GALNTL5: variants seen among roughly 807,000 people sequenced by gnomAD.
GALNTL5 encodes the protein inactive polypeptide N-acetylgalactosaminyltransferase-like protein 5.
In GALNTL5, 44 loss-of-function variants were observed where a neutral mutation model predicts 51.0. That is an observed-to-expected ratio of 0.86 (90% CI 0.68 to 1.11). The LOEUF (loss-of-function observed/expected upper bound fraction) is 1.11, where lower values mean the gene tolerates loss of function less well. Among genes scored for constraint, GALNTL5 ranks in the 50% least tolerant of loss-of-function variants. The pLI is 0.00. For missense variants in GALNTL5, 528 were observed against 531.8 expected (o/e 0.99, Z 0.07); for synonymous variants, 192 against 182.8 (o/e 1.05, Z -0.41).
At chr7:151,985,328 T>G (rs2081348033) in intron 4 of GALNTL5, among the ~76,000 whole-genome samples, 1 of 152,132 alleles carries the variant, frequency 6.6e-6, no homozygotes, top group African/African-American at 2.4e-5. Flanking sequence ...TGGGTGTGCT[T>G]CCCAACCAGA....
intron 3 of GALNTL5, among the ~76,000 whole-genome samples, chr7:151,977,550 T>G (rs2081222619): frequency 6.6e-6 from 1 of 152,162 alleles, no homozygotes; most frequent in South Asian, 2.1e-4. Context: ...GTGATTTATG[T>G]TTTTCTTTTT....
chr7:151,997,395 T>C (rs2081513504), intron 5 of GALNTL5, among the ~76,000 whole-genome samples: 1 of 152,270 alleles, frequency 6.6e-6, no homozygotes, highest in South Asian at 2.1e-4. Context: ...CACCAAACTT[T>C]AGGTTTCCAC....
At chr7:151,976,396 T>C (rs73728484) in intron 3 of GALNTL5, among the ~76,000 whole-genome samples, 2,488 of 152,268 alleles carry the variant, frequency 0.016, 70 homozygotes, top group African/African-American at 0.056. Flanking sequence ...CCATCTCTTT[T>C]TGCAATTTTT....
intron 7 of GALNTL5, among the ~76,000 whole-genome samples, chr7:152,009,121 T>C (rs541831975): frequency 6.6e-6 from 1 of 152,336 alleles, no homozygotes; most frequent in South Asian, 2.1e-4. Context: ...TATAAAGAAG[T>C]ATGTAAATTA....
rs746772665 is a variant in GALNTL5 at position 151,967,334 on chromosome 7, A to T, written c.88A>T (p.Asn30Tyr). ...TALLFIYLHH[N>Y]HVSSWQKKSQ... The stretch of plus-strand genomic sequence containing the variant: ...TCTGTTATTCATATATTTGCACCAT[A>T]ATCATGTGAGCAGCTGGCAGAAGAA... The change falls in exon 2 of 9, where the codon AAT (asparagine) becomes TAT (tyrosine). Residue 30 changes from asparagine to tyrosine, a missense_variant. By Grantham distance (143) the Asn-to-Tyr change is moderately radical. Transcript: ENST00000392800. 6.2e-7 allele frequency: 1 copy of T among 1,614,164 alleles called. No homozygotes were observed. Among genetic ancestry groups the T allele is most frequent in the Non-Finnish European group, 8.5e-7 (1 of 1,180,004 alleles).
chr7:151,983,019 G>T lies in GALNTL5; in HGVS notation c.402G>T (p.Pro134=), dbSNP rs766808347. ...AAAAACATTACCCAGCCCGCCTCCC[G>T]ACTGCCAGCATTGTCATTTGCTTCT... The part of the protein sequence containing the change: ...CLQKHYPARL[P]TASIVICFYN... The change falls in exon 4 of 9, where the codon CCG becomes CCT. Residue 134 remains proline, a synonymous_variant. Transcript: ENST00000392800. 1 of 1,614,100 alleles carries T rather than the reference G, an allele frequency of 6.2e-7. No individual in the cohort carries two copies. The highest frequency in any genetic ancestry group is 1.7e-5 in the Admixed American group (1 of 60,020).
Position 151,980,900 on chromosome 7 carries a change from T to C in GALNTL5, c.369-2086T>C, listed in dbSNP as rs534889569. Among the ~76,000 whole-genome samples the C allele has an allele frequency of 2.1e-4, 32 of 150,174 alleles. 1 individual carries two copies. The highest frequency in any genetic ancestry group is 4.5e-4 in the African/African-American group (18 of 39,832). The stretch of plus-strand genomic sequence containing the variant: ...AGCTGGGACTACAGGCACCCGCCAC[T>C]GCGCCCGGCTAAATTTTTGTATTTT... On this transcript the variant is annotated intron_variant, in intron 3 of 8. Transcript: ENST00000392800.
At position 152,002,716 on chromosome 7, in the gene GALNTL5, G is replaced by C. The variant is rs151275982; in HGVS notation, c.661G>C (p.Asp221His). ...RLIGASHASG[D>H]VLVFLDSHCE... ...TTGCCCTGTTCTTGCCTCCCCAGGG[G>C]ATGTTCTGGTGTTCCTGGACAGCCA... The change falls in exon 6 of 9, where the codon GAT becomes CAT. Residue 221 changes from aspartate to histidine, a missense_variant and splice_region_variant. Physicochemically the swap from Asp to His is moderately conservative, Grantham distance 81. Coordinates refer to ENST00000392800, the MANE Select transcript of GALNTL5 (RefSeq NM_145292.4). 1.4e-5 allele frequency: 22 copies of C among 1,613,922 alleles called. No homozygotes were observed. Among genetic ancestry groups the C allele is most frequent in the Non-Finnish European group, 1.9e-5 (22 of 1,179,986 alleles).
At chr7:151,971,645 T>C (rs1157188324) in intron 3 of GALNTL5, among the ~76,000 whole-genome samples, 2 of 152,284 alleles carry the variant, frequency 1.3e-5, no homozygotes, top group East Asian at 3.9e-4. Flanking sequence ...GTACCTGATA[T>C]GGTTTGGCTC....
At position 152,014,809 on chromosome 7, in the gene GALNTL5, T is replaced by C. The variant is rs2081785795; in HGVS notation, c.1176+16T>C. The C allele has an allele frequency of 1.3e-6, 2 of 1,591,946 alleles. No individual in the cohort carries two copies. The highest frequency in any genetic ancestry group is 1.3e-5 in the African/African-American group (1 of 74,182). On this transcript the variant is annotated intron_variant, in intron 8 of 8. Transcript: ENST00000392800. Reference sequence around the variant, plus strand: ...TGAATATAAGGTGGGGAACACATCCTTGACTTGGAAAATGTATGCGAGGCC... The same window carrying C: ...TGAATATAAGGTGGGGAACACATCCCTGACTTGGAAAATGTATGCGAGGCC...
intron 3 of GALNTL5, chr7:151,982,784 A>T: frequency 8.9e-7 from 1 of 1,121,050 alleles, no homozygotes. Flanking sequence ...GAAGGGGGAA[A>T]TTATTCAGAA....
Position 151,983,118 on chromosome 7 carries a change from A to G in GALNTL5, c.501A>G (p.Glu167=). Residue 167 remains glutamate (E), a synonymous_variant, in exon 4 of 9, where the codon GAA becomes GAG. Coordinates refer to ENST00000392800, the MANE Select transcript of GALNTL5 (RefSeq NM_145292.4). ...VTNLTPHYFL[E]EIILVDDMSK... ...ACCTCACGCCACACTATTTTCTTGA[A>G]GAAATTATTTTGGTAGATGACATGA... 6 of 1,614,126 alleles carry G rather than the reference A, an allele frequency of 3.7e-6. No individual in the cohort carries two copies. Among genetic ancestry groups the G allele is most frequent in the Non-Finnish European group, 5.1e-6 (6 of 1,180,008 alleles).
intron 6 of GALNTL5, among the ~76,000 whole-genome samples, chr7:152,006,477 G>T (rs1409605480): frequency 6.6e-6 from 1 of 152,142 alleles, no homozygotes; most frequent in Non-Finnish European, 1.5e-5. Flanking sequence ...TGGTGCACTC[G>T]GCAATGTGTG....
In GALNTL5 at chr7:152,007,865, G is replaced by A. The variant is rs202229298; in HGVS notation, c.947G>A (p.Arg316Gln). The A allele has an allele frequency of 9.7e-5, 157 of 1,612,482 alleles. 1 individual carries two copies. The highest frequency in any genetic ancestry group is 3.6e-4 in the South Asian group (33 of 90,848). ...TCTGGAGGAATTTTTGCTATACGTC[G>A]GCATTATTTTAATGAAATTGGACAG... The part of the protein sequence containing the change: ...AMSGGIFAIR[R>Q]HYFNEIGQYD... Residue 316 changes from arginine to glutamine, a missense_variant, in exon 7 of 9, where the codon CGG becomes CAG. Coordinates refer to ENST00000392800, the MANE Select transcript of GALNTL5 (RefSeq NM_145292.4).
chr7:151,994,213 T>G (rs923310551), intron 5 of GALNTL5, among the ~76,000 whole-genome samples: 1 of 152,222 alleles, frequency 6.6e-6, no homozygotes. Context: ...TATGGGATCC[T>G]GTTGTGTGGG....
rs868128262 is a variant in GALNTL5 at position 152,018,332 on chromosome 7, G to T, written c.1177-1314G>T. On this transcript the variant is annotated intron_variant, in intron 8 of 8. Coordinates refer to ENST00000392800, the MANE Select transcript of GALNTL5 (RefSeq NM_145292.4). ...CCATCAAATGTATACGAAAGTGCCT[G>T]TCTCCTCATATTGGTTATAGCTGAA... is the stretch of plus-strand genomic sequence containing the variant. Among the ~76,000 whole-genome samples the T allele has an allele frequency of 3.3e-5, 5 of 152,302 alleles. 1 individual carries two copies. Among genetic ancestry groups the T allele is most frequent in the Middle Eastern group, 6.8e-3 (2 of 294 alleles).
At chr7:151,998,124 G>C (rs536692057) in intron 5 of GALNTL5, among the ~76,000 whole-genome samples, 1 of 152,084 alleles carries the variant, frequency 6.6e-6, no homozygotes, top group Non-Finnish European at 1.5e-5. Flanking sequence ...CAAGAGGATC[G>C]CTTGAGTCCA....
chr7:151,985,076 C>G (rs563308703), intron 4 of GALNTL5, among the ~76,000 whole-genome samples: 1 of 152,302 alleles, frequency 6.6e-6, no homozygotes, highest in East Asian at 1.9e-4. Context: ...GGCCCTCTTC[C>G]TGGGTGATAG....
intron 3 of GALNTL5, among the ~76,000 whole-genome samples, chr7:151,982,509 G>A (rs10276100): frequency 0.021 from 3,108 of 151,554 alleles, 96 homozygotes; most frequent in African/African-American, 0.07. Flanking sequence ...TTTTTGTTGC[G>A]ACAGACTCCA....
Sources: allele counts gnomAD v4.1 joint callset (sites outside exome capture counted in the v4.1 genomes callset), GRCh38; gene constraint gnomAD v4.1.1; transcripts MANE v1.5; gene names NCBI Gene and HGNC (gene_info 2026-07-23, HGNC 2026-07-21).